GALNT17: variants seen among roughly 807,000 people sequenced by gnomAD.
The protein encoded by GALNT17 is polypeptide N-acetylgalactosaminyltransferase 17.
GALNT17 carries 29 observed loss-of-function variants against 63.7 expected under a neutral mutation model. The observed-to-expected ratio is 0.46, with a 90% CI of 0.34 to 0.62. GALNT17 has a LOEUF of 0.62. Among genes scored for constraint, GALNT17 ranks in the 20% least tolerant of loss-of-function variants. GALNT17 has a pLI of 0.01. For synonymous variants in GALNT17, 305 were observed against 318.3 expected (o/e 0.96, Z 0.45); for missense variants, 603 against 799.6 (o/e 0.75, Z 2.97).
intron 2 of GALNT17, among the ~76,000 whole-genome samples, chr7:71,371,540 CTTTT>C (rs1272098554): frequency 6.6e-6 from 1 of 152,076 alleles, no homozygotes; most frequent in Non-Finnish European, 1.5e-5. Context: ...ATCTTTCACT[CTTTT>C]GTTATTGCTG....
chr7:71,320,728 G>T (rs1791591096), intron 1 of GALNT17, among the ~76,000 whole-genome samples: 1 of 152,170 alleles, frequency 6.6e-6, no homozygotes, highest in South Asian at 2.1e-4. Context: ...TGGTGGTGGT[G>T]GTGGGATGTG....
rs182035407 is a variant in GALNT17 at position 71,201,654 on chromosome 7, T to C, written c.238+68614T>C. ...TTTTTTTTTTTTTAGTTTTTTGAGA[T>C]GGAGTCTCGCTCTGTCACCAGGCTG... On this transcript the variant is annotated intron_variant, in intron 1 of 10. Coordinates refer to ENST00000333538, the MANE Select transcript of GALNT17 (RefSeq NM_022479.3). Among the ~76,000 whole-genome samples, 970 of 150,822 alleles carry C rather than the reference T, an allele frequency of 6.4e-3. 13 individuals carry two copies. The highest frequency in any genetic ancestry group is 0.022 in the African/African-American group (886 of 40,844).
intron 5 of GALNT17, among the ~76,000 whole-genome samples, chr7:71,455,757 C>T (rs1265600929): frequency 1.3e-5 from 2 of 152,180 alleles, no homozygotes; most frequent in East Asian, 3.9e-4. Flanking sequence ...ATCACAGTGG[C>T]TAGGAGATGA....
chr7:71,402,323 G>A (rs188011037), intron 3 of GALNT17, among the ~76,000 whole-genome samples: 245 of 152,326 alleles, frequency 1.6e-3, no homozygotes, highest in African/African-American at 5.6e-3. Context: ...TCTCTAAGTG[G>A]TAAGACACTT....
At chr7:71,628,758 G>A (rs931069503) in intron 6 of GALNT17, among the ~76,000 whole-genome samples, 13 of 151,868 alleles carry the variant, frequency 8.6e-5, no homozygotes, top group African/African-American at 2.7e-4. Context: ...TGGTGAAACC[G>A]CGTCTCTACT....
intron 1 of GALNT17, among the ~76,000 whole-genome samples, chr7:71,330,246 C>G (rs1791784450): frequency 6.6e-6 from 1 of 152,160 alleles, no homozygotes; most frequent in Admixed American, 6.5e-5. Flanking sequence ...CTCCTGACTT[C>G]AAGTGATCCG....
At chr7:71,493,840 A>G (rs1014882309) in intron 5 of GALNT17, among the ~76,000 whole-genome samples, 10 of 152,248 alleles carry the variant, frequency 6.6e-5, no homozygotes, top group Middle Eastern at 3.4e-3. Flanking sequence ...GAACAATGCA[A>G]ATATTTCCAT....
At chr7:71,402,658 G>A (rs1793260448) in intron 3 of GALNT17, among the ~76,000 whole-genome samples, 2 of 149,684 alleles carry the variant, frequency 1.3e-5, no homozygotes, top group African/African-American at 5.1e-5. Flanking sequence ...GTCTCGGTTG[G>A]TTGTATTCAA....
intron 1 of GALNT17, among the ~76,000 whole-genome samples, chr7:71,221,242 G>C (rs1023514761): frequency 3.3e-5 from 5 of 152,140 alleles, no homozygotes; most frequent in African/African-American, 1.2e-4. Context: ...TTCTATCCAT[G>C]TTCCCACAAA....
At chr7:71,429,645 C>T (rs938664917) in intron 5 of GALNT17, among the ~76,000 whole-genome samples, 6 of 152,196 alleles carry the variant, frequency 3.9e-5, no homozygotes, top group East Asian at 1.9e-4. Context: ...TGGGCTCAAG[C>T]GATACTCCTG....
intron 2 of GALNT17, among the ~76,000 whole-genome samples, chr7:71,337,869 G>GAACA (rs781167753): frequency 3.0e-4 from 45 of 151,388 alleles, no homozygotes; most frequent in Middle Eastern, 3.4e-3. Context: ...CTCCATCTCA[G>GAACA]AACAAACAAA....
intron 5 of GALNT17, among the ~76,000 whole-genome samples, chr7:71,524,412 G>A (rs190787781): frequency 1.3e-4 from 20 of 151,346 alleles, no homozygotes; most frequent in East Asian, 3.9e-4. Flanking sequence ...GTTTTCCCGC[G>A]TTCCCCAGTT....
At chr7:71,620,855 C>T (rs1790279500) in intron 6 of GALNT17, among the ~76,000 whole-genome samples, 1 of 152,122 alleles carries the variant, frequency 6.6e-6, no homozygotes, top group Admixed American at 6.6e-5. Flanking sequence ...CATCAATAAG[C>T]ATTTTTTCCC....
At chr7:71,701,877 A>ATG (rs1470881451) in intron 9 of GALNT17, among the ~76,000 whole-genome samples, 1 of 80,858 alleles carries the variant, frequency 1.2e-5, no homozygotes, top group Non-Finnish European at 2.8e-5. Flanking sequence ...ATACATATAT[A>ATG]TATGTATATA....
At chr7:71,682,959 C>A (rs1205238470) in intron 9 of GALNT17, among the ~76,000 whole-genome samples, 1 of 152,088 alleles carries the variant, frequency 6.6e-6, no homozygotes, top group Non-Finnish European at 1.5e-5. Flanking sequence ...AGTCTCCTTT[C>A]CTGCTGGGAG....
chr7:71,704,821 G>C (rs1312746896), intron 9 of GALNT17, among the ~76,000 whole-genome samples: 1 of 151,988 alleles, frequency 6.6e-6, no homozygotes, highest in Non-Finnish European at 1.5e-5. Context: ...ACATGAAAAA[G>C]AGTGAATTTG....
chr7:71,378,941 G>T (rs1792793847), intron 2 of GALNT17, among the ~76,000 whole-genome samples: 2 of 152,196 alleles, frequency 1.3e-5, no homozygotes, highest in South Asian at 4.1e-4. Flanking sequence ...GGTCAAGGCT[G>T]CAGTGAGCTA....
At chr7:71,516,550 G>T (rs1162442114) in intron 5 of GALNT17, among the ~76,000 whole-genome samples, 1 of 152,162 alleles carries the variant, frequency 6.6e-6, no homozygotes, top group Non-Finnish European at 1.5e-5. Context: ...TGGGTAGCTT[G>T]CTGTAGATCT....
intron 9 of GALNT17, among the ~76,000 whole-genome samples, chr7:71,694,358 A>AT (rs1791507978): frequency 3.2e-5 from 1 of 31,664 alleles, no homozygotes; most frequent in Non-Finnish European, 6.5e-5. Flanking sequence ...TAATTATCCC[A>AT]ATTTTTTTTT....
Sources: allele counts gnomAD v4.1 joint callset (sites outside exome capture counted in the v4.1 genomes callset), GRCh38; gene constraint gnomAD v4.1.1; transcripts MANE v1.5; gene names NCBI Gene and HGNC (gene_info 2026-07-23, HGNC 2026-07-21).